SLCO1B3: variants seen among roughly 807,000 people sequenced by gnomAD.
SLCO1B3 encodes the protein solute carrier organic anion transporter family member 1B3.
In SLCO1B3, 72 loss-of-function variants were observed where a neutral mutation model predicts 71.8. The ratio of observed to expected loss-of-function variants is 1.00; its 90% CI spans 0.83 to 1.22. The LOEUF is 1.22. SLCO1B3 is among the 50% of genes most tolerant of loss of function. The pLI is 0.00. For synonymous variants in SLCO1B3, 298 were observed against 278.4 expected, an observed-to-expected ratio of 1.07 and a Z score of -0.70; for missense variants, 911 against 819.7, an observed-to-expected ratio of 1.11 and a Z score of -1.36.
chr12:20,883,582 A>G lies in SLCO1B3; in HGVS notation c.1662A>G (p.Thr554=). Residue 554 remains threonine (T), a synonymous_variant, in exon 13 of 16, where the codon ACA becomes ACG. Transcript: ENST00000381545. ...NSLFSATGGT[T]FILLTVKIVQ... is the part of the protein sequence containing the mutation. Reference sequence around the variant, plus strand: ...TGTTCTCTGCAACAGGAGGTACCACATTTATCTTGTTGACTGTGAAGTAAG... The same window carrying G: ...TGTTCTCTGCAACAGGAGGTACCACGTTTATCTTGTTGACTGTGAAGTAAG... 1.9e-6 allele frequency: 3 copies of G among 1,591,508 alleles called. No homozygotes were observed. Among genetic ancestry groups the G allele is most frequent in the South Asian group, 1.2e-5 (1 of 86,734 alleles).
chr12:20,869,644 G>A (rs910261628), intron 8 of SLCO1B3, among the ~76,000 whole-genome samples: 2 of 152,220 alleles, frequency 1.3e-5, no homozygotes, highest in East Asian at 3.9e-4. Context: ...GTTTAACCAC[G>A]TTATCACATA....
At chr12:20,893,612 A>C (rs1190012067) in intron 13 of SLCO1B3, among the ~76,000 whole-genome samples, 8 of 152,190 alleles carry the variant, frequency 5.3e-5, no homozygotes, top group African/African-American at 1.9e-4. Flanking sequence ...CATTGGGAGT[A>C]AGCCAGGCTT....
At chr12:20,912,756 T>G (rs1448920094) in intron 15 of SLCO1B3, among the ~76,000 whole-genome samples, 2 of 151,356 alleles carry the variant, frequency 1.3e-5, no homozygotes, top group African/African-American at 4.9e-5. Context: ...TCTCTTGACC[T>G]CATGATCCAC....
chr12:20,833,563 T>TATATATAC (rs1423588009), intron 3 of SLCO1B3, among the ~76,000 whole-genome samples: 1 of 148,652 alleles, frequency 6.7e-6, no homozygotes, highest in Non-Finnish European at 1.5e-5. Flanking sequence ...ATATGTTTAC[T>TATATATAC]ATATATACAT....
intron 13 of SLCO1B3, among the ~76,000 whole-genome samples, chr12:20,891,738 T>C (rs1486030713): frequency 1.3e-5 from 2 of 152,104 alleles, no homozygotes; most frequent in African/African-American, 2.4e-5. Context: ...CTTTTCTATG[T>C]ATTTTTCCTA....
In SLCO1B3 at chr12:20,815,753, A is replaced by T; in HGVS notation, c.15A>T (p.Gln5His). 6.3e-7 allele frequency: 1 copy of T among 1,591,844 alleles called. No individual in the cohort carries two copies. Among genetic ancestry groups the T allele is most frequent in the Non-Finnish European group, 8.6e-7 (1 of 1,165,598 alleles). The part of the protein sequence containing the change: MDQH[Q>H]HLNKTAESAS... ...GTAGTTTAATAATGGACCAACATCAACATTTGAATAAAACAGCAGAGTCAG... is the reference window on the plus strand; with the variant it reads ...GTAGTTTAATAATGGACCAACATCATCATTTGAATAAAACAGCAGAGTCAG... The change falls in exon 3 of 16, where the codon CAA (glutamine) becomes CAT (histidine). Residue 5 changes from glutamine (Q) to histidine (H), a missense_variant. Coordinates refer to ENST00000381545, the MANE Select transcript of SLCO1B3 (RefSeq NM_019844.4).
intron 1 of SLCO1B3, among the ~76,000 whole-genome samples, chr12:20,812,399 TGA>T (rs1362217517): frequency 1.3e-5 from 2 of 152,102 alleles, no homozygotes; most frequent in East Asian, 3.9e-4. Context: ...GATGAGAGGA[TGA>T]GAGAGTTTAT....
intron 3 of SLCO1B3, among the ~76,000 whole-genome samples, chr12:20,851,929 T>C (rs1406561515): frequency 5.3e-5 from 8 of 152,146 alleles, no homozygotes; most frequent in Non-Finnish European, 7.4e-5. Context: ...CTCCCTGTCA[T>C]GCAGTGTTGG....
At chr12:20,833,940 A>G (rs1864610490) in intron 3 of SLCO1B3, among the ~76,000 whole-genome samples, 1 of 146,844 alleles carries the variant, frequency 6.8e-6, no homozygotes, top group African/African-American at 2.5e-5. Context: ...ACATATGTAC[A>G]CATATACATA....
chr12:20,884,734 A>G (rs1485795418), intron 13 of SLCO1B3, among the ~76,000 whole-genome samples: 1 of 152,006 alleles, frequency 6.6e-6, no homozygotes, highest in Admixed American at 6.6e-5. Context: ...CTACTAGTTG[A>G]TCGGAAGTTC....
intron 3 of SLCO1B3, among the ~76,000 whole-genome samples, chr12:20,839,592 C>T (rs1421660281): frequency 2.0e-5 from 3 of 151,666 alleles, no homozygotes; most frequent in African/African-American, 7.3e-5. Context: ...GACTTTTTTC[C>T]CCTTGTCTTT....
intron 3 of SLCO1B3, among the ~76,000 whole-genome samples, chr12:20,816,293 C>A (rs1303350715): frequency 1.3e-5 from 2 of 152,094 alleles, no homozygotes; most frequent in Non-Finnish European, 2.9e-5. Flanking sequence ...AGGTCTTATT[C>A]ATTCTTTTTA....
At chr12:20,883,310 A>G (rs1865727986) in intron 12 of SLCO1B3, 108 bp from the exon 13 acceptor site, 2 of 609,258 alleles carry the variant, frequency 3.3e-6, no homozygotes, top group Non-Finnish European at 5.1e-6. Context: ...AACATTTTTT[A>G]AACTGTAAAT....
intron 3 of SLCO1B3, among the ~76,000 whole-genome samples, chr12:20,825,672 G>A (rs1027040119): frequency 2.0e-5 from 3 of 151,714 alleles, no homozygotes; most frequent in South Asian, 2.1e-4. Flanking sequence ...GGTGGTGTGC[G>A]CCTGTAATCC....
chr12:20,895,250 C>A (rs1328511165), intron 13 of SLCO1B3, among the ~76,000 whole-genome samples: 3 of 152,086 alleles, frequency 2.0e-5, no homozygotes, highest in Non-Finnish European at 4.4e-5. Context: ...CCCAACAGTC[C>A]CCCAGAATCT....
chr12:20,836,404 T>C (rs908649739), intron 3 of SLCO1B3, among the ~76,000 whole-genome samples: 1 of 152,210 alleles, frequency 6.6e-6, no homozygotes, highest in Non-Finnish European at 1.5e-5. Flanking sequence ...TTTTTACTAA[T>C]ATTTGTTGAG....
chr12:20,879,445 C>A lies in SLCO1B3; in HGVS notation c.1145C>A (p.Thr382Asn), dbSNP rs1314055584. Residue 382 changes from threonine to asparagine, a missense_variant, in exon 11 of 16, where the codon ACC becomes AAC. Thr to Asn is a moderately conservative substitution (Grantham distance 65). Transcript: ENST00000381545. ...CTTCTTTTATTTCTAGGAATCATAA[C>A]CATTCCTACGGTTGCAACTGGAATG... ...SHANFLLGII[T>N]IPTVATGMFL... 5 of 1,590,798 alleles carry A rather than the reference C, an allele frequency of 3.1e-6. No individual in the cohort carries two copies. The highest frequency in any genetic ancestry group is 1.7e-4 in the Middle Eastern group (1 of 5,934).
At chr12:20,836,643 T>C (rs1247992349) in intron 3 of SLCO1B3, among the ~76,000 whole-genome samples, 1 of 152,036 alleles carries the variant, frequency 6.6e-6, no homozygotes, top group African/African-American at 2.4e-5. Context: ...CTGTTTTTTG[T>C]TTTGTTTTGT....
At chr12:20,833,786 C>G (rs1718647744) in intron 3 of SLCO1B3, among the ~76,000 whole-genome samples, 1 of 145,852 alleles carries the variant, frequency 6.9e-6, no homozygotes, top group African/African-American at 2.5e-5. Flanking sequence ...ATCTATCTCT[C>G]TATTTCATAA....
Sources: gnomAD v4.1 joint callset for allele counts (sites outside exome capture counted in the v4.1 genomes callset) on GRCh38, gnomAD v4.1.1 for gene constraint, MANE v1.5 for transcripts, NCBI Gene and HGNC (gene_info 2026-07-23, HGNC 2026-07-21) for gene names.